The following CRB3 variants were observed in gnomAD, a reference collection of about 807,000 sequenced individuals.
CRB3 encodes crumbs cell polarity complex component 3.
CRB3 carries 4 observed loss-of-function variants against 10.4 expected under a neutral mutation model. That is an observed-to-expected ratio of 0.39 (90% CI 0.19 to 0.88). The LOEUF is 0.88. Ranked by LOEUF, CRB3 falls within the 40% of genes least tolerant of loss-of-function variation. The pLI is 0.39. For missense variants in CRB3, 154 were observed against 160.2 expected, an observed-to-expected ratio of 0.96 and a Z score of 0.21; for synonymous variants, 74 against 73.4, an observed-to-expected ratio of 1.01 and a Z score of -0.04.
chr19:6,466,395 G>T lies in CRB3; in HGVS notation c.157-71G>T. 7.9e-7 allele frequency: 1 copy of T among 1,260,510 alleles called. No individual in the cohort carries two copies. The highest frequency in any genetic ancestry group is 1.2e-6 in the Non-Finnish European group (1 of 867,962). The allele number at this position is 1,260,510 out of a possible 1,614,324, so 78.1% of individuals were successfully genotyped here. ...TGTTGTGGGGTAGGGGGTGATGAGG[G>T]GGATGCCATTCAGGTGGAGGTGGAC... On this transcript the variant is annotated intron_variant, in intron 3 of 3. Coordinates refer to ENST00000600229, the MANE Select transcript of CRB3 (RefSeq NM_139161.5). This position sits in a 1 kb window ranked among gnomAD's most constrained non-coding sequence, Gnocchi z 4.9.
chr19:6,464,085 C>A (rs183049266), upstream of CRB3: 3 of 152,266 alleles, frequency 2.0e-5, no homozygotes, highest in Admixed American at 1.3e-4. This position sits in a 1 kb window ranked among gnomAD's most constrained non-coding sequence, Gnocchi z 5.3. Context: ...TCCGCGGTCT[C>A]CCTCCCCGCA....
rs972893508 is a variant in CRB3, at chr19:6,464,380, G to C, written c.-95+30G>C. ...GAAGGCAGGACGCACCGCTAGGCCT[G>C]CCCCCTCGCCCGTCCACCCTGCCCG... On this transcript the variant is annotated intron_variant, in intron 1 of 3. Transcript: ENST00000600229. The surrounding 1 kb of genome is among the most constrained non-coding windows in gnomAD (Gnocchi z 5.3). 4.5e-5 allele frequency: 12 copies of C among 265,962 alleles called. No individual in the cohort carries two copies. The highest frequency in any genetic ancestry group is 2.6e-4 in the African/African-American group (12 of 45,304). 16.5% of individuals were successfully genotyped at this position (265,962 alleles called of 1,614,324 possible).
rs753815130 is a variant in CRB3, at chr19:6,466,501, C to G, written c.192C>G (p.Phe64Leu). The G allele has an allele frequency of 6.2e-7, 1 of 1,613,736 alleles. No homozygotes were observed. Among genetic ancestry groups the G allele is most frequent in the African/African-American group, 1.3e-5 (1 of 74,930 alleles). Residue 64 changes from phenylalanine (F) to leucine (L), a missense_variant, in exon 4 of 4, where the codon TTC (phenylalanine) becomes TTG (leucine). Physicochemically the swap from Phe to Leu is conservative, Grantham distance 22. Transcript: ENST00000600229. This position sits in a 1 kb window ranked among gnomAD's most constrained non-coding sequence, Gnocchi z 4.9. Reference protein sequence around the residue: ...PEAITAIIVVFSLLAALLLAV... With the variant: ...PEAITAIIVVLSLLAALLLAV... Reference sequence around the variant, plus strand: ...CCATCACTGCTATCATCGTGGTCTTCTCCCTCTTGGCTGCCTTGCTCCTGG... The same window carrying G: ...CCATCACTGCTATCATCGTGGTCTTGTCCCTCTTGGCTGCCTTGCTCCTGG...
chr19:6,464,734 G>T lies in CRB3; in HGVS notation c.33G>T (p.Ala11=). MANPGLGLLL[A]LGLPFLLARW... is the part of the protein sequence containing the mutation. Reference sequence around the variant, plus strand: ...ACCCCGGGCTGGGGCTGCTTCTGGCGCTGGGCCTGCCGTTCCTGCTGGCCC... The same window carrying T: ...ACCCCGGGCTGGGGCTGCTTCTGGCTCTGGGCCTGCCGTTCCTGCTGGCCC... Residue 11 remains alanine (A), a synonymous_variant, in exon 2 of 4, where the codon GCG becomes GCT. Transcript: ENST00000600229. This position sits in a 1 kb window ranked among gnomAD's most constrained non-coding sequence, Gnocchi z 5.3. 2 of 1,251,168 alleles carry T rather than the reference G, an allele frequency of 1.6e-6. No homozygotes were observed. Among genetic ancestry groups the T allele is most frequent in the South Asian group, 3.9e-5 (1 of 25,920 alleles). The allele number at this position is 1,251,168 out of a possible 1,614,324, so 77.5% of individuals were successfully genotyped here.
Position 6,466,932 on chromosome 19 carries a change from C to T in CRB3, c.*260C>T, listed in dbSNP as rs555427037. 15 of 1,612,656 alleles carry T rather than the reference C, an allele frequency of 9.3e-6. No homozygotes were observed. The highest frequency in any genetic ancestry group is 3.3e-5 in the Admixed American group (2 of 59,746). On this transcript the variant is annotated 3_prime_UTR_variant, in exon 4 of 4. Coordinates refer to ENST00000600229, the MANE Select transcript of CRB3 (RefSeq NM_139161.5). The surrounding 1 kb of genome is among the most constrained non-coding windows in gnomAD (Gnocchi z 4.9). ...CTGTGTGTCCAGCAGGCCCCACAAC[C>T]CCCTCTCCTTTCTTTCAGTTCTCCC...
In CRB3 at chr19:6,466,745, C is replaced by T; in HGVS notation, c.*73C>T. ...GCTGGCTTGTACACCGCAGCTGCCA[C>T]CGAGACACCAGCCTCTGATGGCTCA... On this transcript the variant is annotated 3_prime_UTR_variant, in exon 4 of 4. Transcript: ENST00000600229. The surrounding 1 kb of genome is among the most constrained non-coding windows in gnomAD (Gnocchi z 4.9). The T allele has an allele frequency of 6.4e-7, 1 of 1,556,668 alleles. No homozygotes were observed. Among genetic ancestry groups the T allele is most frequent in the Non-Finnish European group, 8.7e-7 (1 of 1,155,840 alleles).
chr19:6,465,380 G>A (rs2092789399), intron 2 of CRB3, among the ~76,000 whole-genome samples, 165 bp from the exon 3 acceptor site: 3 of 152,078 alleles, frequency 2.0e-5, no homozygotes, highest in Admixed American at 2.0e-4. Flanking sequence ...CAAGGGAGAG[G>A]TCTTACCTGC....
In CRB3 at chr19:6,464,806, G is replaced by C. The variant is rs1053514289; in HGVS notation, c.82+23G>C. 1.6e-6 allele frequency: 2 copies of C among 1,217,680 alleles called. No individual in the cohort carries two copies. The highest frequency in any genetic ancestry group is 1.5e-5 in the African/African-American group (1 of 64,678). The allele number at this position is 1,217,680 out of a possible 1,614,324, so 75.4% of individuals were successfully genotyped here. A position where few individuals can be genotyped will look rare whatever the true frequency, so the allele number is the denominator to read the frequency against. On this transcript the variant is annotated intron_variant, in intron 2 of 3. Coordinates refer to ENST00000600229, the MANE Select transcript of CRB3 (RefSeq NM_139161.5). The surrounding 1 kb of genome is among the most constrained non-coding windows in gnomAD (Gnocchi z 5.3). ...AAAGTAGGTACCAGCTGAGAGCGCTGGGGGGGAGGGGTCTGGATTCCTGGA... is the reference window on the plus strand; with the variant it reads ...AAAGTAGGTACCAGCTGAGAGCGCTCGGGGGGAGGGGTCTGGATTCCTGGA...
At position 6,466,491 on chromosome 19, in the gene CRB3, T is replaced by A. The variant is rs1338072477; in HGVS notation, c.182T>A (p.Ile61Asn). ...NLRPEAITAI[I>N]VVFSLLAALL... is the part of the protein sequence containing the mutation. ...CGTCCAGAAGCCATCACTGCTATCA[T>A]CGTGGTCTTCTCCCTCTTGGCTGCC... Residue 61 changes from isoleucine to asparagine, a missense_variant, in exon 4 of 4, where the codon ATC becomes AAC. Coordinates refer to ENST00000600229, the MANE Select transcript of CRB3 (RefSeq NM_139161.5). This position sits in a 1 kb window ranked among gnomAD's most constrained non-coding sequence, Gnocchi z 4.9. 1.2e-6 allele frequency: 2 copies of A among 1,613,804 alleles called. No individual in the cohort carries two copies. Among genetic ancestry groups the A allele is most frequent in the East Asian group, 4.5e-5 (2 of 44,870 alleles).
Position 6,466,812 on chromosome 19 carries a change from G to A in CRB3, c.*140G>A. On this transcript the variant is annotated 3_prime_UTR_variant, in exon 4 of 4. Transcript: ENST00000600229. This position sits in a 1 kb window ranked among gnomAD's most constrained non-coding sequence, Gnocchi z 4.9. ...GAGGCTGGGGGCACCCATGTGGTGGGCTCTGTGCAGCATGTTGCCTCTGCT... is the reference window on the plus strand; with the variant it reads ...GAGGCTGGGGGCACCCATGTGGTGGACTCTGTGCAGCATGTTGCCTCTGCT... 1 of 1,556,056 alleles carries A rather than the reference G, an allele frequency of 6.4e-7. No homozygotes were observed. Among genetic ancestry groups the A allele is most frequent in the Non-Finnish European group, 8.7e-7 (1 of 1,150,776 alleles).
Position 6,464,700 on chromosome 19 carries a change from C to A in CRB3, c.-2C>A. The A allele has an allele frequency of 8.1e-7, 1 of 1,238,260 alleles. No homozygotes were observed. Among genetic ancestry groups the A allele is most frequent in the East Asian group, 3.1e-5 (1 of 32,300 alleles). The allele number at this position is 1,238,260 out of a possible 1,614,324, so 76.7% of individuals were successfully genotyped here. On this transcript the variant is annotated 5_prime_UTR_variant, in exon 2 of 4. Coordinates refer to ENST00000600229, the MANE Select transcript of CRB3 (RefSeq NM_139161.5). This position sits in a 1 kb window ranked among gnomAD's most constrained non-coding sequence, Gnocchi z 5.3. ...CGGCGCTGCCAACCCGCCACCCAGC[C>A]CATGGCGAACCCCGGGCTGGGGCTG... is the stretch of plus-strand genomic sequence containing the variant.
intron 2 of CRB3, chr19:6,465,105 T>C (rs2092787888): frequency 3.4e-6 from 1 of 297,702 alleles, no homozygotes; most frequent in Admixed American, 4.9e-5. Context: ...AGTGCAGGTG[T>C]TTTTGGGTGA....
Position 6,466,638 on chromosome 19 carries a change from A to G in CRB3, c.329A>G (p.Asn110Ser), listed in dbSNP as rs1190875559. The G allele has an allele frequency of 4.4e-6, 7 of 1,602,936 alleles. No individual in the cohort carries two copies. The African/African-American group carries it at 9.4e-5, about 21-fold the overall frequency. ...GGTGCCCGCGTGCCACCGACCCCCA[A>G]CCTCAAGTTGCCGCCGGAAGAGCGG... The part of the protein sequence containing the change: ...QVGARVPPTP[N>S]LKLPPEERLI The change falls in exon 4 of 4, where the codon AAC (asparagine) becomes AGC (serine). Residue 110 changes from asparagine to serine, a missense_variant. By Grantham distance (46) the Asn-to-Ser change is conservative. Transcript: ENST00000600229. This position sits in a 1 kb window ranked among gnomAD's most constrained non-coding sequence, Gnocchi z 4.9.
intron 2 of CRB3, chr19:6,465,036 T>G: frequency 2.1e-5 from 6 of 291,040 alleles, no homozygotes; most frequent in Non-Finnish European, 1.2e-5. Flanking sequence ...TGTGTTGGAG[T>G]GGGGGCTCCT....
chr19:6,467,155 G>A lies in CRB3; in HGVS notation c.*483G>A. The A allele has an allele frequency of 1.4e-6, 1 of 734,936 alleles. No homozygotes were observed. The highest frequency in any genetic ancestry group is 2.2e-6 in the Non-Finnish European group (1 of 444,602). The allele number at this position is 734,936 out of a possible 1,614,324, so 45.5% of individuals were successfully genotyped here. ...GTACTTCAAAGACTCTGCCCCTGAG[G>A]TCAAGAGAGGATGGGGCTATTCACT... On this transcript the variant is annotated 3_prime_UTR_variant, in exon 4 of 4. Coordinates refer to ENST00000600229, the MANE Select transcript of CRB3 (RefSeq NM_139161.5).
rs1202831122 is a variant in CRB3 at position 6,466,922 on chromosome 19, G to T, written c.*250G>T. 1.9e-6 allele frequency: 3 copies of T among 1,608,628 alleles called. No homozygotes were observed. The African/African-American group carries it at 4.0e-5, about 22-fold the overall frequency. On this transcript the variant is annotated 3_prime_UTR_variant, in exon 4 of 4. Coordinates refer to ENST00000600229, the MANE Select transcript of CRB3 (RefSeq NM_139161.5). This position sits in a 1 kb window ranked among gnomAD's most constrained non-coding sequence, Gnocchi z 4.9. Reference sequence around the variant, plus strand: ...CAACTTTTCTCTGTGTGTCCAGCAGGCCCCACAACCCCCTCTCCTTTCTTT... The same window carrying T: ...CAACTTTTCTCTGTGTGTCCAGCAGTCCCCACAACCCCCTCTCCTTTCTTT...
chr19:6,465,713 C>G (rs530756520), intron 3 of CRB3, 95 bp downstream of exon 3: 57 of 1,086,034 alleles, frequency 5.2e-5, no homozygotes, highest in Admixed American at 1.4e-4. Flanking sequence ...CCCCTCCCCC[C>G]AGAGGTGGCA....
Position 6,467,008 on chromosome 19 carries a change from T to G in CRB3, c.*336T>G. 1 of 1,613,580 alleles carries G rather than the reference T, an allele frequency of 6.2e-7. No individual in the cohort carries two copies. Among genetic ancestry groups the G allele is most frequent in the Non-Finnish European group, 8.5e-7 (1 of 1,179,640 alleles). ...GGACTCCAAGGAGACGGTGCAGGGC[T>G]GCCTGCCCATCTAGGTCCCCTCTCC... On this transcript the variant is annotated 3_prime_UTR_variant, in exon 4 of 4. Transcript: ENST00000600229.
Position 6,466,177 on chromosome 19 carries a change from G to A in CRB3, c.157-289G>A, listed in dbSNP as rs964608790. Among the ~76,000 whole-genome samples, 2 of 152,092 alleles carry A rather than the reference G, an allele frequency of 1.3e-5. No homozygotes were observed. Among genetic ancestry groups the A allele is most frequent in the South Asian group, 2.1e-4 (1 of 4,818 alleles). ...GATTGTGACACTGCACTCCAGCCTGGGCAACAGAGCAAGACTCGGTCTCAA... is the reference window on the plus strand; with the variant it reads ...GATTGTGACACTGCACTCCAGCCTGAGCAACAGAGCAAGACTCGGTCTCAA... On this transcript the variant is annotated intron_variant, in intron 3 of 3. Coordinates refer to ENST00000600229, the MANE Select transcript of CRB3 (RefSeq NM_139161.5). This position sits in a 1 kb window ranked among gnomAD's most constrained non-coding sequence, Gnocchi z 4.9.
Sources: gnomAD v4.1 joint callset for allele counts (sites outside exome capture counted in the v4.1 genomes callset) on GRCh38, gnomAD v4.1.1 for gene constraint, Gnocchi (gnomAD v3.1) non-coding constraint, MANE v1.5 for transcripts, NCBI Gene and HGNC (gene_info 2026-07-23, HGNC 2026-07-21) for gene names.